DNAAF11: variants seen among roughly 807,000 people sequenced by gnomAD.
DNAAF11 encodes leucine rich repeat containing 6.
Under a neutral mutation model 60.8 loss-of-function variants are expected in DNAAF11, and 45 were observed. The ratio of observed to expected loss-of-function variants is 0.74; its 90% CI spans 0.58 to 0.95. The LOEUF (loss-of-function observed/expected upper bound fraction) is 0.95, where lower values mean the gene tolerates loss of function less well. DNAAF11 is among the 40% of genes least tolerant of loss of function. DNAAF11 has a pLI of 0.00. For missense variants in DNAAF11, 546 were observed against 546.2 expected, an observed-to-expected ratio of 1.00 and a Z score of 0.00; for synonymous variants, 191 against 183.5, an observed-to-expected ratio of 1.04 and a Z score of -0.33.
At position 132,597,243 on chromosome 8, in the gene DNAAF11, T is replaced by C. The variant is rs542540022; in HGVS notation, c.1140+12923A>G. ...ACAAGAAAGATGCAGTTGATGGGTC[T>C]GTTTCAAGACGTGGCTGTTCCCCAG... On this transcript the variant is annotated intron_variant, in intron 10 of 11. Coordinates refer to ENST00000620350, the MANE Select transcript of DNAAF11 (RefSeq NM_012472.6). Among the ~76,000 whole-genome samples, 23 of 152,312 alleles carry C rather than the reference T, an allele frequency of 1.5e-4. 1 individual carries two copies. The South Asian group carries it at 4.4e-3, about 29-fold the overall frequency.
At chr8:132,611,778 G>A (rs941766650) in intron 8 of DNAAF11, among the ~76,000 whole-genome samples, 1 of 152,084 alleles carries the variant, frequency 6.6e-6, no homozygotes, top group Non-Finnish European at 1.5e-5. Context: ...CCCTGCAGCT[G>A]TTCTGCAGCT....
chr8:132,632,586 T>C (rs1334757888), intron 5 of DNAAF11, among the ~76,000 whole-genome samples, 154 bp downstream of exon 5: 1 of 152,236 alleles, frequency 6.6e-6, no homozygotes, highest in Non-Finnish European at 1.5e-5. Context: ...TCACAAGCAA[T>C]GGGATGCTCA....
chr8:132,677,641 G>A (rs941212819), upstream of DNAAF11, among the ~76,000 whole-genome samples: 3 of 152,104 alleles, frequency 2.0e-5, no homozygotes, highest in African/African-American at 7.2e-5. Context: ...CTACTTGGGA[G>A]GCTGAGGTGG....
chr8:132,614,973 A>C, intron 8 of DNAAF11, 65 bp downstream of exon 8: 1 of 1,070,376 alleles, frequency 9.3e-7, no homozygotes, highest in Non-Finnish European at 1.4e-6. Context: ...TCAAACTAAA[A>C]AATTACTACT....
chr8:132,638,635 G>A (rs1821550078), intron 3 of DNAAF11, among the ~76,000 whole-genome samples: 1 of 152,166 alleles, frequency 6.6e-6, no homozygotes, highest in African/African-American at 2.4e-5. Flanking sequence ...CTAGCAGAGA[G>A]AGAATGGCTC....
At chr8:132,677,770 C>G (rs555931427), upstream of DNAAF11, among the ~76,000 whole-genome samples, 2 of 152,146 alleles carry the variant, frequency 1.3e-5, no homozygotes, top group South Asian at 4.2e-4. Flanking sequence ...GCGTTGGGTG[C>G]CTGATGAGAG....
intron 10 of DNAAF11, 154 bp downstream of exon 10, chr8:132,610,012 G>T: frequency 3.5e-6 from 2 of 570,314 alleles, no homozygotes; most frequent in Non-Finnish European, 6.3e-6. Context: ...TGTTCTCACA[G>T]ACCGTTGTTC....
At chr8:132,602,906 C>A (rs1261622643) in intron 10 of DNAAF11, among the ~76,000 whole-genome samples, 1 of 152,078 alleles carries the variant, frequency 6.6e-6, no homozygotes, top group African/African-American at 2.4e-5. Context: ...TTCACTCAAG[C>A]TCAAGTCCAA....
At chr8:132,681,318 C>CTTTTTTTTTTTTTTT in the DNAAF11 span, among the ~76,000 whole-genome samples, 2 of 129,102 alleles carry the variant, frequency 1.5e-5, no homozygotes, top group African/African-American at 5.9e-5. Flanking sequence ...CCAACCATTC[C>CTTTTTTTTTTTTTTT]TTTTTTTTTT....
At chr8:132,702,715 T>C in the DNAAF11 span, among the ~76,000 whole-genome samples, 26 of 152,348 alleles carry the variant, frequency 1.7e-4, no homozygotes, top group African/African-American at 6.0e-4. Flanking sequence ...GGTAATATTT[T>C]AGTCTCATTT....
chr8:132,653,058 TACAATA>T (rs1823184057), intron 3 of DNAAF11, among the ~76,000 whole-genome samples: 1 of 152,150 alleles, frequency 6.6e-6, no homozygotes, highest in Non-Finnish European at 1.5e-5. Flanking sequence ...TTTCAAAATG[TACAATA>T]TCAAGAAAAA....
At chr8:132,663,046 A>T (rs1824285451) in intron 1 of DNAAF11, among the ~76,000 whole-genome samples, 1 of 152,190 alleles carries the variant, frequency 6.6e-6, no homozygotes, top group Non-Finnish European at 1.5e-5. Flanking sequence ...GAGAGATTAA[A>T]ATACCATACA....
intron 1 of DNAAF11, among the ~76,000 whole-genome samples, chr8:132,673,333 C>G (rs1825372009): frequency 6.6e-6 from 1 of 152,172 alleles, no homozygotes; most frequent in Non-Finnish European, 1.5e-5. Context: ...CAAGAGAATG[C>G]AGGTAAAGCA....
chr8:132,695,865 A>G, the DNAAF11 span, among the ~76,000 whole-genome samples: 4 of 152,220 alleles, frequency 2.6e-5, no homozygotes, highest in Non-Finnish European at 5.9e-5. Context: ...GATACAAGGG[A>G]ATGATTTTAT....
chr8:132,691,123 ACTT>A, the DNAAF11 span, among the ~76,000 whole-genome samples: 2 of 147,102 alleles, frequency 1.4e-5, no homozygotes, highest in African/African-American at 5.4e-5. Flanking sequence ...GATTATTTGA[ACTT>A]CTTCTCCATA....
chr8:132,611,491 T>C lies in DNAAF11; in HGVS notation c.975-128A>G, dbSNP rs1818666077. ...GTTTAAAATATCCATGCAAAATGGG[T>C]CTTTAAAAAATTAGTTTTAAATTAA... On this transcript the variant is annotated intron_variant, in intron 8 of 11. Transcript: ENST00000620350. 7.2e-5 allele frequency: 38 copies of C among 526,848 alleles called. No individual in the cohort carries two copies. The East Asian group carries it at 1.1e-3, about 16-fold the overall frequency. The allele number at this position is 526,848 out of a possible 1,614,324, so 32.6% of individuals were successfully genotyped here. A position where few individuals can be genotyped will look rare whatever the true frequency, so the allele number is the denominator to read the frequency against.
At chr8:132,642,891 G>T (rs371711930) in intron 3 of DNAAF11, among the ~76,000 whole-genome samples, 1 of 152,140 alleles carries the variant, frequency 6.6e-6, no homozygotes, top group South Asian at 2.1e-4. Context: ...TTAGAGCAGC[G>T]GTCTCCAACA....
At chr8:132,608,423 AT>A (rs757999910) in intron 10 of DNAAF11, 99 of 431,704 alleles carry the variant, frequency 2.3e-4, no homozygotes, top group African/African-American at 1.6e-3. Flanking sequence ...CTCATAAGCC[AT>A]TTATTATTAT....
At chr8:132,702,756 T>A in the DNAAF11 span, among the ~76,000 whole-genome samples, 1 of 152,132 alleles carries the variant, frequency 6.6e-6, no homozygotes, top group African/African-American at 2.4e-5. Context: ...CTTAGAAACG[T>A]GAAATCGCTT....
Sources: gnomAD v4.1 joint callset for allele counts (sites outside exome capture counted in the v4.1 genomes callset) on GRCh38, gnomAD v4.1.1 for gene constraint, MANE v1.5 for transcripts, NCBI Gene and HGNC (gene_info 2026-07-23, HGNC 2026-07-21) for gene names.